ZRANB3: variants seen among roughly 807,000 people sequenced by gnomAD.
ZRANB3 encodes zinc finger RANBP2-type containing 3, also known as DNA annealing helicase and endonuclease ZRANB3.
A neutral mutation model predicts 133.8 loss-of-function variants in ZRANB3; 125 were observed. That is an observed-to-expected ratio of 0.93 (90% CI 0.81 to 1.08). The LOEUF is 1.08. Among genes scored for constraint, ZRANB3 ranks in the 50% least tolerant of loss-of-function variants. The pLI, the probability that ZRANB3 is intolerant of heterozygous loss-of-function variation, is 0.00. For missense variants in ZRANB3, 1,229 were observed against 1,275.5 expected (o/e 0.96, Z 0.56); for synonymous variants, 387 against 432.7 (o/e 0.89, Z 1.31).
At chr2:135,369,419 T>C (rs1686072915) in intron 3 of ZRANB3, among the ~76,000 whole-genome samples, 1 of 152,160 alleles carries the variant, frequency 6.6e-6, no homozygotes, top group African/African-American at 2.4e-5. Flanking sequence ...GATTAGAACC[T>C]GCAGAAAATG....
intron 3 of ZRANB3, among the ~76,000 whole-genome samples, chr2:135,384,048 TC>T (rs1373693637): frequency 6.6e-6 from 1 of 152,066 alleles, no homozygotes; most frequent in Non-Finnish European, 1.5e-5. Context: ...AATCAACGAA[TC>T]CAGGAGCTGG....
chr2:135,314,913 C>T (rs1032848275), intron 7 of ZRANB3, among the ~76,000 whole-genome samples: 3 of 151,962 alleles, frequency 2.0e-5, no homozygotes, highest in Admixed American at 1.3e-4. Flanking sequence ...CCACACTCAA[C>T]TAATTTTTGT....
chr2:135,223,724 A>G (rs1198410307), intron 15 of ZRANB3, among the ~76,000 whole-genome samples: 4 of 152,226 alleles, frequency 2.6e-5, no homozygotes, highest in African/African-American at 9.6e-5. Context: ...GGGGTTCTCA[A>G]TAAATTTTAG....
chr2:135,520,803 G>GT (rs1053328002), intron 1 of ZRANB3, among the ~76,000 whole-genome samples: 32 of 148,098 alleles, frequency 2.2e-4, no homozygotes, highest in South Asian at 4.3e-4. Flanking sequence ...CAGGCTAATT[G>GT]TTTTTTTTTT....
chr2:135,202,892 C>A lies in ZRANB3; in HGVS notation c.3081G>T (p.Gly1027=). Residue 1027 remains glycine, a synonymous_variant, in exon 20 of 21, where the codon GGG becomes GGT. Transcript: ENST00000264159. ...TGTCCAGGGAACACTGTCCTCCTCC[C>A]CCATACACTGGCTTGATGTGATCCA... The part of the protein sequence containing the change: ...WQVDHIKPVY[G]GGGQCSLDNL... 1 of 1,612,126 alleles carries A rather than the reference C, an allele frequency of 6.2e-7. No individual in the cohort carries two copies. Among genetic ancestry groups the A allele is most frequent in the Non-Finnish European group, 8.5e-7 (1 of 1,179,120 alleles).
At chr2:135,402,512 T>G (rs574591377) in intron 2 of ZRANB3, among the ~76,000 whole-genome samples, 1 of 152,002 alleles carries the variant, frequency 6.6e-6, no homozygotes, top group South Asian at 2.1e-4. Flanking sequence ...GCCAGAATGG[T>G]CTTGATCTCC....
chr2:135,220,019 G>A (rs965681320), intron 15 of ZRANB3, among the ~76,000 whole-genome samples: 1 of 151,914 alleles, frequency 6.6e-6, no homozygotes, highest in Non-Finnish European at 1.5e-5. Context: ...TTACAGGCAC[G>A]TTCCACCACG....
At chr2:135,425,572 C>G (rs1283068340) in intron 2 of ZRANB3, among the ~76,000 whole-genome samples, 1 of 152,098 alleles carries the variant, frequency 6.6e-6, no homozygotes, top group Non-Finnish European at 1.5e-5. Flanking sequence ...AATTAAACAA[C>G]TTGCTCCCGA....
At chr2:135,496,422 CAGATTA>C (rs1041318848) in intron 2 of ZRANB3, among the ~76,000 whole-genome samples, 8 of 139,746 alleles carry the variant, frequency 5.7e-5, no homozygotes, top group African/African-American at 1.1e-4. Flanking sequence ...ACGAAATCCG[CAGATTA>C]AGATTATTTA....
chr2:135,515,324 G>A (rs1227263295), intron 1 of ZRANB3, among the ~76,000 whole-genome samples: 1 of 151,930 alleles, frequency 6.6e-6, no homozygotes, highest in Non-Finnish European at 1.5e-5. Flanking sequence ...GTTCTGCTCT[G>A]ATCTTAGTTA....
At chr2:135,389,615 G>T (rs1005111473) in intron 3 of ZRANB3, among the ~76,000 whole-genome samples, 6 of 152,030 alleles carry the variant, frequency 3.9e-5, no homozygotes, top group Admixed American at 3.9e-4. Context: ...TGAGGCAAGA[G>T]AATTGCTTGA....
In ZRANB3 at chr2:135,207,548, A is replaced by C; in HGVS notation, c.2895T>G (p.Cys965Trp). Residue 965 changes from cysteine (C) to tryptophan (W), a missense_variant, in exon 19 of 21, where the codon TGT becomes TGG. By Grantham distance (215) the Cys-to-Trp change is radical (BLOSUM62 -2). Transcript: ENST00000264159. ...CTTGTGCGTTCACATTACAGAGCTG[A>C]CACACACCATGTTCAGTTTCAAATA... ...AKVFETEHGV[C>W]QLCNVNAQEL... 6.2e-7 allele frequency: 1 copy of C among 1,614,022 alleles called. No homozygotes were observed. The highest frequency in any genetic ancestry group is 8.5e-7 in the Non-Finnish European group (1 of 1,179,892).
rs1483482833 is a variant in ZRANB3 at position 135,252,359 on chromosome 2, TAAAGA to T, written c.1539+13170_1539+13174del. Among the ~76,000 whole-genome samples, 5 of 151,994 alleles carry T rather than the reference TAAAGA, an allele frequency of 3.3e-5. No individual in the cohort carries two copies. The East Asian group carries it at 9.7e-4, about 29-fold the overall frequency. On this transcript the variant is annotated intron_variant, in intron 12 of 20. Transcript: ENST00000264159. ...AACCTAAAATAAAAGTTAAAAAATATAAAGAAAAGATTAAAAAGATTATTTTGTAG... is the reference window on the plus strand; with the variant it reads ...AACCTAAAATAAAAGTTAAAAAATATAAAGATTAAAAAGATTATTTTGTAG...
In ZRANB3 at chr2:135,358,866, T is replaced by C. The variant is rs1470143271; in HGVS notation, c.181-5238A>G. 2.0e-5 allele frequency among the ~76,000 whole-genome samples: 3 copies of C among 152,030 alleles called. No homozygotes were observed. The South Asian group carries it at 6.2e-4, about 32-fold the overall frequency. On this transcript the variant is annotated intron_variant, in intron 3 of 20. Transcript: ENST00000264159. Reference sequence around the variant, plus strand: ...TACGAAAGTGTGGGTGCTATTTCCTTTGGCACTGGTGGGAAATACAAGCTA... The same window carrying C: ...TACGAAAGTGTGGGTGCTATTTCCTCTGGCACTGGTGGGAAATACAAGCTA...
intron 16 of ZRANB3, among the ~76,000 whole-genome samples, chr2:135,218,699 C>T (rs890666535): frequency 5.3e-5 from 8 of 152,046 alleles, no homozygotes; most frequent in Admixed American, 3.3e-4. Context: ...CAAGAATCAC[C>T]CAATAAGGTA....
intron 3 of ZRANB3, among the ~76,000 whole-genome samples, chr2:135,362,873 C>G (rs1443892990): frequency 6.6e-6 from 1 of 152,062 alleles, no homozygotes; most frequent in Non-Finnish European, 1.5e-5. Context: ...CTCCTCCAGT[C>G]TCTAGTAAAG....
intron 2 of ZRANB3, among the ~76,000 whole-genome samples, chr2:135,485,179 A>AT (rs60458142): frequency 0.064 from 9,484 of 148,154 alleles, 411 homozygotes; most frequent in South Asian, 0.16. Flanking sequence ...AAAACAAAAC[A>AT]AAACAAAACA....
chr2:135,304,388 C>T lies in ZRANB3; in HGVS notation c.966+9101G>A, dbSNP rs531557095. Among the ~76,000 whole-genome samples the T allele has an allele frequency of 3.9e-5, 6 of 152,214 alleles. No homozygotes were observed. The South Asian group carries it at 1.2e-3, about 32-fold the overall frequency. ...TTTATATTGTTCATGTGATGATTTA[C>T]AGTGATTAATTCAGTGTTAAACTTT... On this transcript the variant is annotated intron_variant, in intron 8 of 20. Coordinates refer to ENST00000264159, the MANE Select transcript of ZRANB3 (RefSeq NM_032143.4).
intron 12 of ZRANB3, among the ~76,000 whole-genome samples, chr2:135,243,731 G>A (rs1344457658): frequency 6.6e-6 from 1 of 151,926 alleles, no homozygotes; most frequent in Non-Finnish European, 1.5e-5. Flanking sequence ...AGATGCTCTT[G>A]CCTCAGCCTC....
Sources: gnomAD v4.1 joint callset for allele counts (sites outside exome capture counted in the v4.1 genomes callset) on GRCh38, gnomAD v4.1.1 for gene constraint, MANE v1.5 for transcripts, NCBI Gene and HGNC (gene_info 2026-07-23, HGNC 2026-07-21) for gene names.